SETMAR: variants seen among roughly 807,000 people sequenced by gnomAD.
SETMAR encodes SET and mariner transposase domain methyltransferase, also known as histone-lysine N-methyltransferase SETMAR.
A neutral mutation model predicts 58.4 loss-of-function variants in SETMAR; 44 were observed. The ratio of observed to expected loss-of-function variants is 0.75; its 90% CI spans 0.59 to 0.97. The LOEUF is 0.97. Among genes scored for constraint, SETMAR ranks in the 50% least tolerant of loss-of-function variants. The pLI is 0.00. For synonymous variants in SETMAR, 332 were observed against 307.4 expected, an observed-to-expected ratio of 1.08 and a Z score of -0.84; for missense variants, 903 against 840.2, an observed-to-expected ratio of 1.07 and a Z score of -0.92.
chr3:4,316,881 G>A lies in SETMAR; in HGVS notation c.1690G>A (p.Asp564Asn), dbSNP rs1322825552. 10 of 1,549,200 alleles carry A rather than the reference G, an allele frequency of 6.5e-6. No homozygotes were observed. The highest frequency in any genetic ancestry group is 4.1e-5 in the African/African-American group (3 of 72,910). The part of the protein sequence containing the change: ...ITSEKYAQEI[D>N]EMNQKLQRLQ... ...ATCTGAGAAGTATGCTCAGGAAATCGATGAGATGAACCAAAAACTGCAACG... is the reference window on the plus strand; with the variant it reads ...ATCTGAGAAGTATGCTCAGGAAATCAATGAGATGAACCAAAAACTGCAACG... Residue 564 changes from aspartate (D) to asparagine (N), a missense_variant, in exon 3 of 3, where the codon GAT (aspartate) becomes AAT (asparagine). Asp to Asn is a conservative substitution (Grantham distance 23). Coordinates refer to ENST00000358065, the MANE Select transcript of SETMAR (RefSeq NM_006515.4).
chr3:4,313,023 G>C lies in SETMAR; in HGVS notation c.282G>C (p.Glu94Asp). ...PGTCSCLRHG[E>D]NYDDNSCLRD... The stretch of plus-strand genomic sequence containing the variant: ...CTTGCTCCTGTCTCCGCCATGGAGA[G>C]AACTATGATGATAACTCATGCCTTA... The change falls in exon 2 of 3, where the codon GAG becomes GAC. Residue 94 changes from glutamate to aspartate, a missense_variant. Coordinates refer to ENST00000358065, the MANE Select transcript of SETMAR (RefSeq NM_006515.4). 2 of 1,613,884 alleles carry C rather than the reference G, an allele frequency of 1.2e-6. No individual in the cohort carries two copies. Among genetic ancestry groups the C allele is most frequent in the South Asian group, 1.1e-5 (1 of 91,080 alleles).
At position 4,304,036 on chromosome 3, in the gene SETMAR, CCT is replaced by C. The variant is rs1698073369; in HGVS notation, c.156+515_156+516del. The C allele has an allele frequency of 2.1e-5, 5 of 237,016 alleles. No homozygotes were observed. The South Asian group carries it at 2.7e-4, about 13-fold the overall frequency. 14.7% of individuals were successfully genotyped at this position (237,016 alleles called of 1,614,324 possible). A position where few individuals can be genotyped will look rare whatever the true frequency, so the allele number is the denominator to read the frequency against. ...TCTTCCAGCGTACAGTGGAACAGTACCTCTCTTCCGGAGTGCTTTGAAAATGG... is the reference window on the plus strand; with the variant it reads ...TCTTCCAGCGTACAGTGGAACAGTACCTCTTCCGGAGTGCTTTGAAAATGG... On this transcript the variant is annotated intron_variant, in intron 1 of 2. Coordinates refer to ENST00000358065, the MANE Select transcript of SETMAR (RefSeq NM_006515.4).
In SETMAR at chr3:4,313,393, A is replaced by G. The variant is rs372873713; in HGVS notation, c.652A>G (p.Ile218Val). 5.1e-5 allele frequency: 82 copies of G among 1,613,730 alleles called. No individual in the cohort carries two copies. Among genetic ancestry groups the G allele is most frequent in the Middle Eastern group, 3.3e-4 (2 of 6,082 alleles). ...TGTTGACCCTACTTATATAGGAAATATTGGAAGATTCCTTAATCATTCTTG... is the reference window on the plus strand; with the variant it reads ...TGTTGACCCTACTTATATAGGAAATGTTGGAAGATTCCTTAATCATTCTTG... ...TFVDPTYIGN[I>V]GRFLNHSCEP... The change falls in exon 2 of 3, where the codon ATT becomes GTT. Residue 218 changes from isoleucine (I) to valine (V), a missense_variant. Ile to Val is a conservative substitution (Grantham distance 29). Coordinates refer to ENST00000358065, the MANE Select transcript of SETMAR (RefSeq NM_006515.4).
At chr3:4,308,517 T>C (rs1698280931) in intron 1 of SETMAR, among the ~76,000 whole-genome samples, 2 of 152,226 alleles carry the variant, frequency 1.3e-5, no homozygotes, top group South Asian at 4.1e-4. Context: ...GTGCCTGACA[T>C]GGAGTACAGC....
At chr3:4,309,869 TAA>T in intron 1 of SETMAR, among the ~76,000 whole-genome samples, 1 of 152,364 alleles carries the variant, frequency 6.6e-6, no homozygotes, top group African/African-American at 2.4e-5. Context: ...AGTTATTATT[TAA>T]CTATGGGGAA....
At chr3:4,303,594 C>G in intron 1 of SETMAR, 68 bp downstream of exon 1, 1 of 1,374,958 alleles carries the variant, frequency 7.3e-7, no homozygotes, top group Non-Finnish European at 9.4e-7. Flanking sequence ...CTCAAGCCGC[C>G]TCGCTGGGAC....
intron 1 of SETMAR, among the ~76,000 whole-genome samples, chr3:4,305,426 A>C (rs933222544): frequency 2.6e-5 from 4 of 152,190 alleles, no homozygotes; most frequent in Non-Finnish European, 5.9e-5. Flanking sequence ...GGAGACTCCC[A>C]GCTGACTTCA....
chr3:4,313,822 A>G (rs1284059379), intron 2 of SETMAR, 61 bp downstream of exon 2: 2 of 1,603,288 alleles, frequency 1.2e-6, no homozygotes, highest in South Asian at 2.2e-5. Context: ...GTGGTTGGCT[A>G]GCTTTACCTC....
In SETMAR at chr3:4,312,835, C is replaced by T. The variant is rs527283678; in HGVS notation, c.157-63C>T. The T allele has an allele frequency of 1.1e-5, 16 of 1,518,056 alleles. No homozygotes were observed. In the East Asian group the frequency reaches 3.2e-4, roughly 30 times the overall value. 94.0% of individuals were successfully genotyped at this position (1,518,056 alleles called of 1,614,324 possible). A position where few individuals can be genotyped will look rare whatever the true frequency, so the allele number is the denominator to read the frequency against. ...TAGAATGGGTCCCAGTCAGAAGCTA[C>T]TTGGAATATATAGGAAATATATGAC... On this transcript the variant is annotated intron_variant, in intron 1 of 2. Transcript: ENST00000358065.
At chr3:4,303,890 A>G (rs1341331307) in intron 1 of SETMAR, 6 of 1,257,340 alleles carry the variant, frequency 4.8e-6, no homozygotes, top group Middle Eastern at 2.4e-4. Context: ...CGTGGGGCCT[A>G]TTAATGGATC....
At position 4,313,417 on chromosome 3, in the gene SETMAR, T is replaced by C. The variant is rs572039705; in HGVS notation, c.676T>C (p.Cys226Arg). 7 of 1,614,060 alleles carry C rather than the reference T, an allele frequency of 4.3e-6. No individual in the cohort carries two copies. The Admixed American group carries it at 5.0e-5, about 12-fold the overall frequency. The change falls in exon 2 of 3, where the codon TGT (cysteine) becomes CGT (arginine). Residue 226 changes from cysteine (C) to arginine (R), a missense_variant. Physicochemically the swap from Cys to Arg is radical, Grantham distance 180. Transcript: ENST00000358065. Reference sequence around the variant, plus strand: ...TATTGGAAGATTCCTTAATCATTCTTGTGAGCCAAACCTTTTGATGATTCC... The same window carrying C: ...TATTGGAAGATTCCTTAATCATTCTCGTGAGCCAAACCTTTTGATGATTCC... ...GNIGRFLNHS[C>R]EPNLLMIPVR...
chr3:4,314,624 A>C (rs1253643289), intron 2 of SETMAR, among the ~76,000 whole-genome samples: 1 of 152,222 alleles, frequency 6.6e-6, no homozygotes, highest in Non-Finnish European at 1.5e-5. Context: ...TTATGCTTCA[A>C]AACTTCAAAC....
chr3:4,316,405 G>C lies in SETMAR; in HGVS notation c.1214G>C (p.Arg405Pro), dbSNP rs148048935. 1 of 1,576,616 alleles carries C rather than the reference G, an allele frequency of 6.3e-7. No homozygotes were observed. The highest frequency in any genetic ancestry group is 8.6e-7 in the Non-Finnish European group (1 of 1,161,314). The change falls in exon 3 of 3, where the codon CGT (arginine) becomes CCT (proline). Residue 405 changes from arginine to proline, a missense_variant. By Grantham distance (103) the Arg-to-Pro change is moderately radical. Transcript: ENST00000358065. ...GATGAGAGCCTTGAAGATGAGGAGC[G>C]TAGTGGCCGGCCATCAGAAGTTGAC... ...KGDESLEDEE[R>P]SGRPSEVDND...
In SETMAR at chr3:4,316,811, T is replaced by C. The variant is rs1237986441; in HGVS notation, c.1620T>C (p.Ala540=). 1.9e-6 allele frequency: 3 copies of C among 1,550,714 alleles called. No individual in the cohort carries two copies. The highest frequency in any genetic ancestry group is 2.6e-6 in the Non-Finnish European group (3 of 1,146,730). ...TGGTCACTATTTGGTGGTCTGCTGC[T>C]GGTCTGATCCACTACAGCTTTCTGA... ...KVMVTIWWSA[A]GLIHYSFLNP... Residue 540 remains alanine (A), a synonymous_variant, in exon 3 of 3, where the codon GCT becomes GCC. Coordinates refer to ENST00000358065, the MANE Select transcript of SETMAR (RefSeq NM_006515.4).
chr3:4,313,375 C>G lies in SETMAR; in HGVS notation c.634C>G (p.Pro212Ala). The G allele has an allele frequency of 6.2e-7, 1 of 1,613,704 alleles. No individual in the cohort carries two copies. Among genetic ancestry groups the G allele is most frequent in the Non-Finnish European group, 8.5e-7 (1 of 1,179,760 alleles). Residue 212 changes from proline (P) to alanine (A), a missense_variant, in exon 2 of 3, where the codon CCT (proline) becomes GCT (alanine). Pro to Ala is a conservative substitution (Grantham distance 27). Coordinates refer to ENST00000358065, the MANE Select transcript of SETMAR (RefSeq NM_006515.4). ...NGQVMETFVD[P>A]TYIGNIGRFL... ...GCAGGTAATGGAAACATTTGTTGAC[C>G]CTACTTATATAGGAAATATTGGAAG...
rs1212179488 is a variant in SETMAR, at chr3:4,313,059, A to C, written c.318A>C (p.Gly106=). The change falls in exon 2 of 3, where the codon GGA becomes GGC. Residue 106 remains glycine (G), a synonymous_variant. Transcript: ENST00000358065. The part of the protein sequence containing the change: ...YDDNSCLRDI[G]SGGKYAEPVF... ...ATAACTCATGCCTTAGAGATATAGG[A>C]TCTGGAGGAAAGTATGCAGAGCCTG... 6.2e-7 allele frequency: 1 copy of C among 1,613,814 alleles called. No individual in the cohort carries two copies. Among genetic ancestry groups the C allele is most frequent in the East Asian group, 2.2e-5 (1 of 44,886 alleles).
chr3:4,307,506 T>A (rs1227808132), intron 1 of SETMAR, among the ~76,000 whole-genome samples: 4 of 152,194 alleles, frequency 2.6e-5, no homozygotes, highest in Admixed American at 2.0e-4. Context: ...AATGTAAGTC[T>A]AGTTCAGAGA....
intron 2 of SETMAR, among the ~76,000 whole-genome samples, chr3:4,315,824 AAC>A (rs952228401): frequency 6.6e-6 from 1 of 152,112 alleles, no homozygotes; most frequent in African/African-American, 2.4e-5. Flanking sequence ...AGGCAGGCAG[AAC>A]ACTTGAGCTT....
intron 1 of SETMAR, among the ~76,000 whole-genome samples, chr3:4,306,960 A>G (rs971737960): frequency 6.6e-6 from 1 of 152,260 alleles, no homozygotes; most frequent in African/African-American, 2.4e-5. Flanking sequence ...ACCATTTTTC[A>G]GGTCTCTGAA....
Sources: gnomAD v4.1 joint callset for allele counts (sites outside exome capture counted in the v4.1 genomes callset) on GRCh38, gnomAD v4.1.1 for gene constraint, MANE v1.5 for transcripts, NCBI Gene and HGNC (gene_info 2026-07-23, HGNC 2026-07-21) for gene names.